SPOCK3: variants seen among roughly 807,000 people sequenced by gnomAD.
SPOCK3 encodes the protein SPARC (osteonectin), cwcv and kazal like domains proteoglycan 3, also known as testican-3.
A neutral mutation model predicts 56.6 loss-of-function variants in SPOCK3; 30 were observed. The observed-to-expected ratio is 0.53, with a 90% confidence interval of 0.40 to 0.72. SPOCK3 has a LOEUF of 0.72. SPOCK3 is among the 30% of genes least tolerant of loss of function. SPOCK3 has a pLI of 0.00. For synonymous variants in SPOCK3, 196 were observed against 183.3 expected, an observed-to-expected ratio of 1.07 and a Z score of -0.56; for missense variants, 527 against 530.0, an observed-to-expected ratio of 0.99 and a Z score of 0.06.
At chr4:166,992,468 C>T (rs115085015) in intron 4 of SPOCK3, among the ~76,000 whole-genome samples, 2,446 of 152,200 alleles carry the variant, frequency 0.016, 35 homozygotes, top group Non-Finnish European at 0.021. Context: ...ATTGGAAGAA[C>T]TAGAATAATC....
At chr4:167,165,410 C>T (rs1765673866) in intron 2 of SPOCK3, among the ~76,000 whole-genome samples, 1 of 152,012 alleles carries the variant, frequency 6.6e-6, no homozygotes, top group Admixed American at 6.6e-5. Context: ...TATAAACAGA[C>T]ACTTCTCAAA....
At chr4:166,923,164 C>T (rs1450907362) in intron 4 of SPOCK3, among the ~76,000 whole-genome samples, 1 of 152,138 alleles carries the variant, frequency 6.6e-6, no homozygotes, top group East Asian at 1.9e-4. Context: ...TGGCTTATGG[C>T]TACAACTTTC....
At chr4:167,175,304 T>C (rs1730884973) in intron 2 of SPOCK3, among the ~76,000 whole-genome samples, 1 of 152,158 alleles carries the variant, frequency 6.6e-6, no homozygotes, top group South Asian at 2.1e-4. Flanking sequence ...ATACAGCACA[T>C]TCCCAATTAT....
At chr4:166,738,319 T>A (rs1734430773) in intron 9 of SPOCK3, among the ~76,000 whole-genome samples, 1 of 152,044 alleles carries the variant, frequency 6.6e-6, no homozygotes, top group Non-Finnish European at 1.5e-5. Flanking sequence ...AATATTTAGG[T>A]TCTCTTCATT....
intron 2 of SPOCK3, among the ~76,000 whole-genome samples, chr4:167,082,039 A>C (rs1757752463): frequency 6.6e-6 from 1 of 151,592 alleles, no homozygotes; most frequent in Admixed American, 6.6e-5. Context: ...TACCCAAGTG[A>C]ATCTCTGTTC....
chr4:166,922,172 C>T (rs1738570275), intron 4 of SPOCK3, among the ~76,000 whole-genome samples: 1 of 152,160 alleles, frequency 6.6e-6, no homozygotes, highest in South Asian at 2.1e-4. Flanking sequence ...CAAACCATCT[C>T]CCACTCCCCT....
At chr4:166,783,115 T>C (rs571863011) in intron 7 of SPOCK3, among the ~76,000 whole-genome samples, 14 of 152,278 alleles carry the variant, frequency 9.2e-5, no homozygotes, top group Non-Finnish European at 1.8e-4. Context: ...TCCCAGAACT[T>C]TGGGAGGCCG....
chr4:166,804,621 A>G (rs1158544233), intron 6 of SPOCK3, among the ~76,000 whole-genome samples: 1 of 152,150 alleles, frequency 6.6e-6, no homozygotes, highest in African/African-American at 2.4e-5. Flanking sequence ...ATCTTCATAT[A>G]CATTTAGAAA....
intron 4 of SPOCK3, among the ~76,000 whole-genome samples, chr4:166,916,431 C>T (rs6830837): frequency 0.014 from 2,060 of 152,206 alleles, 53 homozygotes; most frequent in African/African-American, 0.047. Flanking sequence ...CAATATGTCT[C>T]TAGCATCAGT....
intron 7 of SPOCK3, among the ~76,000 whole-genome samples, chr4:166,772,130 G>A (rs1739008921): frequency 1.3e-5 from 2 of 151,890 alleles, no homozygotes; most frequent in Admixed American, 6.6e-5. Flanking sequence ...TGAAGATAAT[G>A]CTATATAAGG....
intron 5 of SPOCK3, among the ~76,000 whole-genome samples, chr4:166,896,778 C>T (rs1173088010): frequency 6.6e-6 from 1 of 152,168 alleles, no homozygotes; most frequent in African/African-American, 2.4e-5. Flanking sequence ...CTTAAATGTG[C>T]AATAGAATCA....
At chr4:166,955,120 C>T (rs1021331153) in intron 4 of SPOCK3, among the ~76,000 whole-genome samples, 1 of 152,042 alleles carries the variant, frequency 6.6e-6, no homozygotes, top group Non-Finnish European at 1.5e-5. Context: ...TCATGATTCA[C>T]ACAAATCATT....
At chr4:166,894,881 T>C (rs1735204159) in intron 5 of SPOCK3, among the ~76,000 whole-genome samples, 1 of 152,164 alleles carries the variant, frequency 6.6e-6, no homozygotes, top group African/African-American at 2.4e-5. Context: ...CAAAATACTC[T>C]GCAAAAATTT....
At chr4:166,745,881 A>G (rs1388411040) in intron 8 of SPOCK3, among the ~76,000 whole-genome samples, 1 of 152,224 alleles carries the variant, frequency 6.6e-6, no homozygotes, top group African/African-American at 2.4e-5. Context: ...AGATCAAAAG[A>G]CAAAAAGAAG....
intron 6 of SPOCK3, among the ~76,000 whole-genome samples, chr4:166,847,705 C>G (rs1490203118): frequency 1.9e-5 from 2 of 105,634 alleles, no homozygotes; most frequent in African/African-American, 6.6e-5. Flanking sequence ...CTTTTTTTTA[C>G]AGCTTGCAAT....
rs35083027 is a variant in SPOCK3, at chr4:167,173,620, C to A, written c.189+60365G>T. Among the ~76,000 whole-genome samples the A allele has an allele frequency of 3.0e-4, 45 of 152,194 alleles. 1 individual carries two copies. The East Asian group carries it at 3.9e-3, about 13-fold the overall frequency. On this transcript the variant is annotated intron_variant, in intron 2 of 10. Transcript: ENST00000357545. ...TTCCAACTCCTCTCCCCAGTCATTT[C>A]TTTACTGGCTTGAGCTTTCTTTTCT...
At chr4:167,019,646 AT>A (rs1750982811) in intron 3 of SPOCK3, among the ~76,000 whole-genome samples, 1 of 151,974 alleles carries the variant, frequency 6.6e-6, no homozygotes. Flanking sequence ...TAAATCATGT[AT>A]TCTTCAATTT....
intron 4 of SPOCK3, among the ~76,000 whole-genome samples, chr4:166,934,415 G>A (rs1404699789): frequency 2.0e-5 from 3 of 151,706 alleles, no homozygotes; most frequent in Non-Finnish European, 2.9e-5. Flanking sequence ...GCAGAATGGC[G>A]AGAACCCGGG....
intron 8 of SPOCK3, among the ~76,000 whole-genome samples, chr4:166,753,228 A>T (rs72697504): frequency 0.049 from 7,416 of 152,078 alleles, 216 homozygotes; most frequent in Non-Finnish European, 0.055. Flanking sequence ...AACGTTTGTC[A>T]TCATAAGAAA....
Sources: gnomAD v4.1 joint callset for allele counts (sites outside exome capture counted in the v4.1 genomes callset) on GRCh38, gnomAD v4.1.1 for gene constraint, MANE v1.5 for transcripts, NCBI Gene and HGNC (gene_info 2026-07-23, HGNC 2026-07-21) for gene names.